The following PSMD7 variants were observed in gnomAD, a reference collection of about 807,000 sequenced individuals.
PSMD7 encodes the protein proteasome 26S subunit, non-ATPase 7.
PSMD7 carries 13 observed loss-of-function variants against 36.4 expected under a neutral mutation model. The observed-to-expected ratio is 0.36, with a 90% CI of 0.23 to 0.57. The LOEUF is 0.57. PSMD7 is among the 20% of genes least tolerant of loss of function. The pLI is 0.83. For synonymous variants in PSMD7, 186 were observed against 151.0 expected, an observed-to-expected ratio of 1.23 and a Z score of -1.70; for missense variants, 298 against 393.6, an observed-to-expected ratio of 0.76 and a Z score of 2.06.
At chr16:74,297,119 G>A (rs925459892) in intron 1 of PSMD7, 131 bp downstream of exon 1, 4 of 959,048 alleles carry the variant, frequency 4.2e-6, no homozygotes, top group African/African-American at 3.2e-5. Flanking sequence ...ACTTGTTCAC[G>A]AGTCCAGACC....
rs766432014 is a variant in PSMD7 at position 74,305,417 on chromosome 16, T to C, written c.659T>C (p.Leu220Pro). 8.1e-6 allele frequency: 13 copies of C among 1,614,102 alleles called. No homozygotes were observed. Among genetic ancestry groups the C allele is most frequent in the Non-Finnish European group, 1.1e-5 (13 of 1,180,040 alleles). ...SYLEKVATGK[L>P]PINHQIIYQL... ...CTGGAAAAAGTCGCCACAGGCAAGC[T>C]GCCCATCAACCACCAGATCATCTAC... is the stretch of plus-strand genomic sequence containing the variant. Residue 220 changes from leucine (L) to proline (P), a missense_variant, in exon 7 of 7, where the codon CTG becomes CCG. Leu to Pro is a moderately conservative substitution (Grantham distance 98, BLOSUM62 -3). Transcript: ENST00000219313.
At chr16:74,299,424 C>G (rs1394372042) in intron 1 of PSMD7, among the ~76,000 whole-genome samples, 1 of 152,188 alleles carries the variant, frequency 6.6e-6, no homozygotes, top group African/African-American at 2.4e-5. Context: ...GGCTGGGGTG[C>G]AGTAGCACAA....
rs1418211982 is a variant in PSMD7 at position 74,305,620 on chromosome 16, A to AAAG, written c.866_868dup (p.Glu289dup). ...GATTGCCAACCGGGATGCAGAGAAGAAAGAAGGGCAGGAGAAAGAAGAGAG... is the reference window on the plus strand; with the variant it reads ...GATTGCCAACCGGGATGCAGAGAAGAAAGAAGAAGGGCAGGAGAAAGAAGAGAG... On this transcript the variant is annotated inframe_insertion, in exon 7 of 7. Coordinates refer to ENST00000219313, the MANE Select transcript of PSMD7 (RefSeq NM_002811.5). The AAAG allele has an allele frequency of 1.3e-6, 2 of 1,597,010 alleles. No homozygotes were observed.
At chr16:74,297,965 A>G (rs2034126702) in intron 1 of PSMD7, among the ~76,000 whole-genome samples, 1 of 152,168 alleles carries the variant, frequency 6.6e-6, no homozygotes, top group African/African-American at 2.4e-5. Flanking sequence ...TCTCAAAAAA[A>G]AAAATGTATA....
chr16:74,304,231 A>T, intron 5 of PSMD7, 72 bp from the exon 6 acceptor site: 1 of 1,341,824 alleles, frequency 7.5e-7, no homozygotes. Flanking sequence ...CAAAAGACTC[A>T]GGGTGCGAAA....
rs117272345 is a variant in PSMD7, at chr16:74,297,976, T to C, written c.74+988T>C. ...TCCGTCTCAAAAAAAAAAATGTATATATAGATGAGGTTTCAGTTTTTATTT... is the reference window on the plus strand; with the variant it reads ...TCCGTCTCAAAAAAAAAAATGTATACATAGATGAGGTTTCAGTTTTTATTT... On this transcript the variant is annotated intron_variant, in intron 1 of 6. Transcript: ENST00000219313. 8.9e-3 allele frequency among the ~76,000 whole-genome samples: 1,356 copies of C among 151,926 alleles called. 11 individuals carry two copies. The highest frequency in any genetic ancestry group is 0.035 in the South Asian group (171 of 4,822).
chr16:74,303,188 A>G (rs1201628), intron 5 of PSMD7, among the ~76,000 whole-genome samples: 4,846 of 152,338 alleles, frequency 0.032, 172 homozygotes, highest in African/African-American at 0.088. Context: ...GAAATCCCAC[A>G]ACACTGTTAA....
At chr16:74,299,673 C>A in intron 1 of PSMD7, 2 of 409,454 alleles carry the variant, frequency 4.9e-6, no homozygotes, top group South Asian at 1.7e-5. Flanking sequence ...GGATTACAGG[C>A]ATGAGCCACT....
rs559052119 is a variant in PSMD7 at position 74,304,154 on chromosome 16, T to G, written c.439-149T>G. The G allele has an allele frequency of 1.4e-4, 93 of 648,768 alleles. No homozygotes were observed. In the African/African-American group the frequency reaches 1.5e-3, roughly 10 times the overall value. The allele number at this position is 648,768 out of a possible 1,614,324, so 40.2% of individuals were successfully genotyped here. ...AGCTTTGAAGGCTAAGCTTTCAAAGTAAGCCTTACCCACCCTTGCCATAGA... is the reference window on the plus strand; with the variant it reads ...AGCTTTGAAGGCTAAGCTTTCAAAGGAAGCCTTACCCACCCTTGCCATAGA... On this transcript the variant is annotated intron_variant, in intron 5 of 6. Coordinates refer to ENST00000219313, the MANE Select transcript of PSMD7 (RefSeq NM_002811.5).
chr16:74,301,596 C>G lies in PSMD7; in HGVS notation c.301C>G (p.Leu101Val). The change falls in exon 4 of 7, where the codon CTA (leucine) becomes GTA (valine). Residue 101 changes from leucine to valine, a missense_variant. Leu to Val is a conservative substitution (Grantham distance 32). Transcript: ENST00000219313. ...TGGCTGGTACCACACAGGCCCTAAA[C>G]TACACAAGAATGACATTGCCATCAA... Reference protein sequence around the residue: ...IVGWYHTGPKLHKNDIAINEL... With the variant: ...IVGWYHTGPKVHKNDIAINEL... The G allele has an allele frequency of 6.2e-7, 1 of 1,613,854 alleles. No individual in the cohort carries two copies. Among genetic ancestry groups the G allele is most frequent in the Non-Finnish European group, 8.5e-7 (1 of 1,179,788 alleles).
Position 74,305,777 on chromosome 16 carries a change from A to T in PSMD7, c.*44A>T. ...TTTTTAATTTGTAAATTAAAATCTT[A>T]CAAACTAAATCAGTGTGCTGCTAGA... is the stretch of plus-strand genomic sequence containing the variant. On this transcript the variant is annotated 3_prime_UTR_variant, in exon 7 of 7. Coordinates refer to ENST00000219313, the MANE Select transcript of PSMD7 (RefSeq NM_002811.5). The T allele has an allele frequency of 1.4e-6, 2 of 1,411,072 alleles. No individual in the cohort carries two copies. Among genetic ancestry groups the T allele is most frequent in the Non-Finnish European group, 9.2e-7 (1 of 1,084,720 alleles). The allele number at this position is 1,411,072 out of a possible 1,614,324, so 87.4% of individuals were successfully genotyped here. A position where few individuals can be genotyped will look rare whatever the true frequency, so the allele number is the denominator to read the frequency against.
At chr16:74,304,440 C>A in intron 6 of PSMD7, 46 bp downstream of exon 6, 1 of 1,543,802 alleles carries the variant, frequency 6.5e-7, no homozygotes, top group South Asian at 1.1e-5. Context: ...CCCGAGAGGT[C>A]ACACAGTGTA....
intron 1 of PSMD7, 104 bp downstream of exon 1, chr16:74,297,092 G>A: frequency 1.6e-6 from 2 of 1,248,472 alleles, no homozygotes; most frequent in Admixed American, 2.0e-5. Context: ...ACGCAGATAG[G>A]GCGGCTGGTG....
chr16:74,303,386 T>C (rs187064515), intron 5 of PSMD7, among the ~76,000 whole-genome samples: 11 of 152,368 alleles, frequency 7.2e-5, no homozygotes, highest in African/African-American at 2.4e-4. Flanking sequence ...GTAGCCTGGC[T>C]GTGGAGCCTG....
chr16:74,303,593 C>G (rs1364626064), intron 5 of PSMD7, among the ~76,000 whole-genome samples: 1 of 152,148 alleles, frequency 6.6e-6, no homozygotes, highest in African/African-American at 2.4e-5. Context: ...GCCAACTATT[C>G]TGATTGCATT....
chr16:74,302,428 T>C (rs1191916822), intron 5 of PSMD7, 136 bp downstream of exon 5: 1 of 692,380 alleles, frequency 1.4e-6, no homozygotes, highest in Non-Finnish European at 2.4e-6. Flanking sequence ...TTTGACTTTT[T>C]TAATCACCAC....
Position 74,301,560 on chromosome 16 carries a change from G to C in PSMD7, c.265G>C (p.Glu89Gln). 1.9e-6 allele frequency: 3 copies of C among 1,611,096 alleles called. No individual in the cohort carries two copies. Among genetic ancestry groups the C allele is most frequent in the Non-Finnish European group, 2.5e-6 (3 of 1,177,844 alleles). Residue 89 changes from glutamate to glutamine, a missense_variant, in exon 4 of 7, where the codon GAA (glutamate) becomes CAA (glutamine). Glu to Gln is a conservative substitution (Grantham distance 29, BLOSUM62 2). Coordinates refer to ENST00000219313, the MANE Select transcript of PSMD7 (RefSeq NM_002811.5). The stretch of plus-strand genomic sequence containing the variant: ...CTAATTTTTTTCCTTCCTAGCCAGG[G>C]AAAGAATAGTTGGCTGGTACCACAC... Reference protein sequence around the residue: ...YGMFKKVNARERIVGWYHTGP... With the variant: ...YGMFKKVNARQRIVGWYHTGP...
At chr16:74,301,195 T>TG in intron 3 of PSMD7, 51 bp downstream of exon 3, 1 of 1,275,690 alleles carries the variant, frequency 7.8e-7, no homozygotes, top group Non-Finnish European at 1.1e-6. Context: ...ACTGTGTGTA[T>TG]GGGGGTCTTC....
At chr16:74,300,515 A>G in intron 2 of PSMD7, 1 of 391,310 alleles carries the variant, frequency 2.6e-6, no homozygotes, top group Non-Finnish European at 4.7e-6. Context: ...CAGCTGGCAC[A>G]GTTTGTCAGC....
Sources: gnomAD v4.1 joint callset for allele counts (sites outside exome capture counted in the v4.1 genomes callset) on GRCh38, gnomAD v4.1.1 for gene constraint, MANE v1.5 for transcripts, NCBI Gene and HGNC (gene_info 2026-07-23, HGNC 2026-07-21) for gene names.